The following FPGT variants were observed in gnomAD, a reference collection of about 807,000 sequenced individuals.
The protein encoded by FPGT is fucose-1-phosphate guanylyltransferase.
FPGT carries 41 observed loss-of-function variants against 45.8 expected under a neutral mutation model. The observed-to-expected ratio is 0.90, with a 90% CI of 0.70 to 1.16. The LOEUF (loss-of-function observed/expected upper bound fraction) is 1.16. Among genes scored for constraint, FPGT ranks in the 50% most tolerant of loss-of-function variants. The pLI, the probability that FPGT is intolerant of heterozygous loss-of-function variation, is 0.00. For synonymous variants in FPGT, 292 were observed against 247.2 expected (o/e 1.18, Z -1.70); for missense variants, 755 against 689.1 (o/e 1.10, Z -1.07).
At position 74,206,823 on chromosome 1, in the gene FPGT, T is replaced by C. The variant is rs1453080728; in HGVS notation, c.*991T>C. ...AAAAATTGGCTAGAATCTCAAGTTA[T>C]GTGTTTCTATATTGGTATAAGCATA... is the stretch of plus-strand genomic sequence containing the variant. On this transcript the variant is annotated 3_prime_UTR_variant, in exon 4 of 4. Coordinates refer to ENST00000370898, the MANE Select transcript of FPGT (RefSeq NM_003838.5). 1 of 152,228 alleles carries C rather than the reference T, an allele frequency of 6.6e-6. No individual in the cohort carries two copies. Among genetic ancestry groups the C allele is most frequent in the East Asian group, 1.9e-4 (1 of 5,184 alleles). The allele number at this position is 152,228 out of a possible 1,614,324, so 9.4% of individuals were successfully genotyped here. A position where few individuals can be genotyped will look rare whatever the true frequency, so the allele number is the denominator to read the frequency against.
chr1:74,201,228 A>C, intron 2 of FPGT, 90 bp from the exon 3 acceptor site: 2 of 1,015,090 alleles, frequency 2.0e-6, no homozygotes, highest in Non-Finnish European at 1.5e-6. Context: ...GCAAATCCTT[A>C]AGGTTATATA....
intron 3 of FPGT, among the ~76,000 whole-genome samples, chr1:74,201,662 G>A (rs1651816070): frequency 6.6e-6 from 1 of 152,014 alleles, no homozygotes; most frequent in African/African-American, 2.4e-5. Flanking sequence ...ATATTGTTTT[G>A]TTTTGGGTAT....
At chr1:74,198,995 G>A (rs1470285578) in intron 1 of FPGT, among the ~76,000 whole-genome samples, 1 of 152,142 alleles carries the variant, frequency 6.6e-6, no homozygotes, top group Non-Finnish European at 1.5e-5. Flanking sequence ...AGTTCTGTTT[G>A]TTAACTAATT....
chr1:74,199,592 C>T lies in FPGT; in HGVS notation c.83-72C>T. ...ATATTACCTTCTTTATCATCTTTCT[C>T]AATAGGCAAACCTGTGGCAACTAGA... On this transcript the variant is annotated intron_variant, in intron 1 of 3. Coordinates refer to ENST00000370898, the MANE Select transcript of FPGT (RefSeq NM_003838.5). The T allele has an allele frequency of 2.6e-6, 4 of 1,512,616 alleles. No individual in the cohort carries two copies. The South Asian group carries it at 5.2e-5, about 20-fold the overall frequency. 93.7% of individuals were successfully genotyped at this position (1,512,616 alleles called of 1,614,324 possible). A position where few individuals can be genotyped will look rare whatever the true frequency, so the allele number is the denominator to read the frequency against.
chr1:74,206,457 T>C lies in FPGT; in HGVS notation c.*625T>C, dbSNP rs560479525. 7.9e-5 allele frequency: 12 copies of C among 152,262 alleles called. No individual in the cohort carries two copies. The highest frequency in any genetic ancestry group is 1.6e-4 in the Non-Finnish European group (11 of 67,954). The allele number at this position is 152,262 out of a possible 1,614,324, so 9.4% of individuals were successfully genotyped here. ...TACATATGTATTATACACTTGAACA[T>C]GTGTTTGTATATCTTTAAAATTTTC... On this transcript the variant is annotated 3_prime_UTR_variant, in exon 4 of 4. Coordinates refer to ENST00000370898, the MANE Select transcript of FPGT (RefSeq NM_003838.5).
rs879634177 is a variant in FPGT, at chr1:74,205,993, G to GA, written c.*166dup. ...AAAAGTACATATAAGTCATTTTGAT[G>GA]AAAAATATTCCAAGACTAAGTTGAG... On this transcript the variant is annotated 3_prime_UTR_variant, in exon 4 of 4. Transcript: ENST00000370898. 12 of 470,692 alleles carry GA rather than the reference G, an allele frequency of 2.5e-5. No homozygotes were observed. Among genetic ancestry groups the GA allele is most frequent in the Non-Finnish European group, 4.1e-5 (11 of 269,168 alleles). The allele number at this position is 470,692 out of a possible 1,614,324, so 29.2% of individuals were successfully genotyped here.
chr1:74,206,308 G>A lies in FPGT; in HGVS notation c.*476G>A, dbSNP rs1652281781. The A allele has an allele frequency of 6.6e-6, 1 of 152,188 alleles. No homozygotes were observed. The highest frequency in any genetic ancestry group is 1.5e-5 in the Non-Finnish European group (1 of 68,092). 9.4% of individuals were successfully genotyped at this position (152,188 alleles called of 1,614,324 possible). A position where few individuals can be genotyped will look rare whatever the true frequency, so the allele number is the denominator to read the frequency against. ...CTTTTTCAGAAACGAATCCATAGCT[G>A]ACAAATTCACTCAGTGCCCAATATA... On this transcript the variant is annotated 3_prime_UTR_variant, in exon 4 of 4. Coordinates refer to ENST00000370898, the MANE Select transcript of FPGT (RefSeq NM_003838.5).
chr1:74,205,617 A>C lies in FPGT; in HGVS notation c.1570A>C (p.Thr524Pro). The change falls in exon 4 of 4, where the codon ACT becomes CCT. Residue 524 changes from threonine to proline, a missense_variant. Thr to Pro is a conservative substitution (Grantham distance 38). Coordinates refer to ENST00000370898, the MANE Select transcript of FPGT (RefSeq NM_003838.5). The part of the protein sequence containing the change: ...SGNKTCLSLW[T>P]ARIFPVCSSL... ...TAACAAGACATGTCTGAGTTTGTGG[A>C]CTGCACGCATTTTCCCAGTTTGTTC... is the stretch of plus-strand genomic sequence containing the variant. The C allele has an allele frequency of 6.2e-7, 1 of 1,612,760 alleles. No individual in the cohort carries two copies. Among genetic ancestry groups the C allele is most frequent in the Non-Finnish European group, 8.5e-7 (1 of 1,178,764 alleles).
Position 74,205,810 on chromosome 1 carries a change from G to A in FPGT, c.1763G>A (p.Ser588Asn). ...TYREQIFLEI[S>N]LKSSLM ...AGGGAACAAATTTTTCTAGAAATCA[G>A]TTTAAAAAGCAGTTTGATGTAGAGA... The change falls in exon 4 of 4, where the codon AGT becomes AAT. Residue 588 changes from serine to asparagine, a missense_variant. Coordinates refer to ENST00000370898, the MANE Select transcript of FPGT (RefSeq NM_003838.5). The A allele has an allele frequency of 6.4e-7, 1 of 1,556,388 alleles. No individual in the cohort carries two copies. The highest frequency in any genetic ancestry group is 8.8e-7 in the Non-Finnish European group (1 of 1,133,890).
At position 74,204,646 on chromosome 1, in the gene FPGT, G is replaced by A. The variant is rs755674654; in HGVS notation, c.599G>A (p.Gly200Asp). The change falls in exon 4 of 4, where the codon GGT becomes GAT. Residue 200 changes from glycine (G) to aspartate (D), a missense_variant. By Grantham distance (94) the Gly-to-Asp change is moderately conservative. Transcript: ENST00000370898. ...GCTCATCCTTCTAGTTTGACGATAG[G>A]TACCACACATGGAGTATTTGTCTTA... ...ALAHPSSLTIGTTHGVFVLDP... is the reference protein window; with the variant it reads ...ALAHPSSLTIDTTHGVFVLDP... 11 of 1,613,584 alleles carry A rather than the reference G, an allele frequency of 6.8e-6. No individual in the cohort carries two copies. The East Asian group carries it at 2.0e-4, about 29-fold the overall frequency.
Position 74,204,618 on chromosome 1 carries a change from T to G in FPGT, c.571T>G (p.Leu191Val), listed in dbSNP as rs746019668. 4.8e-5 allele frequency: 77 copies of G among 1,613,874 alleles called. No individual in the cohort carries two copies. Among genetic ancestry groups the G allele is most frequent in the Non-Finnish European group, 6.2e-5 (73 of 1,179,864 alleles). Residue 191 changes from leucine to valine, a missense_variant, in exon 4 of 4, where the codon TTA becomes GTA. Leu to Val is a conservative substitution (Grantham distance 32, BLOSUM62 1). Coordinates refer to ENST00000370898, the MANE Select transcript of FPGT (RefSeq NM_003838.5). ...IRFDKPGFTALAHPSSLTIGT... is the reference protein window; with the variant it reads ...IRFDKPGFTAVAHPSSLTIGT... The stretch of plus-strand genomic sequence containing the variant: ...GTTTGACAAACCTGGCTTTACTGCT[T>G]TAGCTCATCCTTCTAGTTTGACGAT...
intron 3 of FPGT, among the ~76,000 whole-genome samples, chr1:74,202,506 T>A (rs1557671434): frequency 6.6e-6 from 1 of 152,132 alleles, no homozygotes; most frequent in Non-Finnish European, 1.5e-5. Flanking sequence ...AGTTAGATAA[T>A]TTTTTTATTT....
chr1:74,200,271 A>T (rs1046044214), intron 2 of FPGT, among the ~76,000 whole-genome samples: 3 of 152,196 alleles, frequency 2.0e-5, no homozygotes, highest in African/African-American at 7.2e-5. Flanking sequence ...TAATACATAT[A>T]TTTGAAAACC....
chr1:74,207,924 G>C lies in FPGT; in HGVS notation c.*2092G>C, dbSNP rs1388623470. ...ACAATGCATGGATTCTGGTTGCTTT[G>C]AAATGGTTCTGTTCAAAGGACTTAT... On this transcript the variant is annotated 3_prime_UTR_variant, in exon 4 of 4. Coordinates refer to ENST00000370898, the MANE Select transcript of FPGT (RefSeq NM_003838.5). Among the ~76,000 whole-genome samples, 1 of 151,998 alleles carries C rather than the reference G, an allele frequency of 6.6e-6. No homozygotes were observed. The highest frequency in any genetic ancestry group is 1.5e-5 in the Non-Finnish European group (1 of 67,950).
At chr1:74,203,079 TA>T (rs1334068998) in intron 3 of FPGT, among the ~76,000 whole-genome samples, 2 of 152,186 alleles carry the variant, frequency 1.3e-5, no homozygotes, top group African/African-American at 4.8e-5. Context: ...GTATAGTAAA[TA>T]CATAAACCAG....
In FPGT at chr1:74,201,325, A is replaced by C; in HGVS notation, c.258A>C (p.Gly86=). 6.2e-7 allele frequency: 1 copy of C among 1,608,244 alleles called. No individual in the cohort carries two copies. Among genetic ancestry groups the C allele is most frequent in the South Asian group, 1.1e-5 (1 of 89,730 alleles). Residue 86 remains glycine, a synonymous_variant, in exon 3 of 4, where the codon GGA becomes GGC. Transcript: ENST00000370898. ...VDPAGAKIGN[G]GSTLCALQCL... ...TTTAACTTTGTTTTTAAGGAAATGGAGGATCAACACTTTGTGCCCTTCAAT... is the reference window on the plus strand; with the variant it reads ...TTTAACTTTGTTTTTAAGGAAATGGCGGATCAACACTTTGTGCCCTTCAAT...
chr1:74,200,787 C>T (rs573439243), intron 2 of FPGT: 7 of 155,648 alleles, frequency 4.5e-5, no homozygotes, highest in East Asian at 1.9e-4. Context: ...GGATTACAGG[C>T]GTGATATTAT....
rs749969984 is a variant in FPGT at position 74,205,699 on chromosome 1, A to G, written c.1652A>G (p.Lys551Arg). 1 of 1,612,100 alleles carries G rather than the reference A, an allele frequency of 6.2e-7. No homozygotes were observed. The highest frequency in any genetic ancestry group is 1.7e-5 in the Admixed American group (1 of 60,018). Residue 551 changes from lysine (K) to arginine (R), a missense_variant, in exon 4 of 4, where the codon AAG becomes AGG. Physicochemically the swap from Lys to Arg is conservative, Grantham distance 26. Coordinates refer to ENST00000370898, the MANE Select transcript of FPGT (RefSeq NM_003838.5). ...SLKMLNAVKN[K>R]SAFSLNSYKL... ...AAGATGTTAAATGCTGTTAAGAACA[A>G]GTCAGCATTCAGCCTGAATAGCTAT...
chr1:74,199,851 T>C lies in FPGT; in HGVS notation c.250+20T>C. On this transcript the variant is annotated intron_variant, in intron 2 of 3. Transcript: ENST00000370898. ...AAATTGGTACGCGCTTTATGGTCAGTTTTATAATATAGGTCCTAAGCAGAA... is the reference window on the plus strand; with the variant it reads ...AAATTGGTACGCGCTTTATGGTCAGCTTTATAATATAGGTCCTAAGCAGAA... The C allele has an allele frequency of 6.2e-7, 1 of 1,611,320 alleles. No individual in the cohort carries two copies. Among genetic ancestry groups the C allele is most frequent in the South Asian group, 1.1e-5 (1 of 90,608 alleles).
Sources: gnomAD v4.1 joint callset for allele counts (sites outside exome capture counted in the v4.1 genomes callset) on GRCh38, gnomAD v4.1.1 for gene constraint, MANE v1.5 for transcripts, NCBI Gene and HGNC (gene_info 2026-07-23, HGNC 2026-07-21) for gene names.